Variants in SPRY3 observed in about 807,000 individuals in gnomAD.
SPRY3 encodes the protein sprouty RTK signaling antagonist 3.
SPRY3 carries 15 observed loss-of-function variants against 20.2 expected under a neutral mutation model. That is an observed-to-expected ratio of 0.74 (90% CI 0.50 to 1.14). The LOEUF (loss-of-function observed/expected upper bound fraction) is 1.14. Ranked by LOEUF, SPRY3 falls within the 50% of genes most tolerant of loss-of-function variation. The pLI is 0.00. For synonymous variants in SPRY3, 143 were observed against 136.5 expected (o/e 1.05, Z -0.33); for missense variants, 364 against 363.9 (o/e 1.00, Z 0.00).
At chrX:155,699,135 GACA>G (rs1159459427) in intron 2 of SPRY3, among the ~76,000 whole-genome samples, 1 of 111,935 alleles carries the variant, frequency 8.9e-6, no homozygotes, top group African/African-American at 3.2e-5. Context: ...TCTATTCACA[GACA>G]ACAACAGTGT....
chrX:155,674,164 G>A (rs1557355075), intron 2 of SPRY3, among the ~76,000 whole-genome samples: 2 of 110,960 alleles, frequency 1.8e-5, no homozygotes, highest in African/African-American at 6.5e-5. Context: ...TCACTGGGAC[G>A]TATAGCTAAG....
At chrX:155,652,687 T>C (rs2067980954) in intron 1 of SPRY3, among the ~76,000 whole-genome samples, 1 of 112,213 alleles carries the variant, frequency 8.9e-6, no homozygotes. Context: ...TCTATGAACA[T>C]TTGTGAGCAT....
chrX:155,719,862 C>T (rs188864216), intron 2 of SPRY3, among the ~76,000 whole-genome samples: 463 of 152,222 alleles, frequency 3.0e-3, no homozygotes, highest in Non-Finnish European at 1.7e-3. Flanking sequence ...AGACTCAAGA[C>T]ATTCCCGGCT....
At position 155,695,005 on chromosome X, in the gene SPRY3, T is replaced by C. The variant is rs997354772; in HGVS notation, c.-282+37980T>C. 6.3e-5 allele frequency among the ~76,000 whole-genome samples: 7 copies of C among 111,809 alleles called. No homozygotes were observed. In the East Asian group the frequency reaches 2.0e-3, roughly 31 times the overall value. ...CCCTTGCTTTATGTTATAGTTCTCA[T>C]ACATATTAAAACTATATGTATTAAC... On this transcript the variant is annotated intron_variant, in intron 2 of 3. Coordinates refer to ENST00000675360, the Ensembl canonical transcript of SPRY3.
chrX:155,711,015 C>T (rs2090982450), intron 2 of SPRY3, among the ~76,000 whole-genome samples: 1 of 151,772 alleles, frequency 6.6e-6, no homozygotes, highest in South Asian at 2.1e-4. Context: ...ATAAATCCCA[C>T]TTGGTCATGA....
At chrX:155,779,456 G>T (rs1015038885), downstream of SPRY3, 51 of 166,868 alleles carry the variant, frequency 3.1e-4, no homozygotes, top group Non-Finnish European at 6.6e-4. Flanking sequence ...TTATTCTCTA[G>T]CTTGCTTTAA....
At chrX:155,743,588 G>T (rs995325388) in intron 2 of SPRY3, among the ~76,000 whole-genome samples, 6 of 152,082 alleles carry the variant, frequency 3.9e-5, no homozygotes, top group Non-Finnish European at 7.4e-5. Context: ...CCTTAGAAAT[G>T]TAAAGACCTG....
downstream of SPRY3, chrX:155,777,211 G>A (rs2091432815): frequency 6.0e-6 from 1 of 166,966 alleles, no homozygotes; most frequent in African/African-American, 2.4e-5. Flanking sequence ...TGTGCTTAGA[G>A]CTCAGTTATC....
intron 3 of SPRY3, among the ~76,000 whole-genome samples, chrX:155,773,015 T>C (rs953464890): frequency 1.3e-5 from 2 of 152,004 alleles, no homozygotes; most frequent in Admixed American, 1.3e-4. Flanking sequence ...AAAGTTTGAT[T>C]CTGGAGCCTC....
chrX:155,725,680 T>A (rs2091092414), intron 2 of SPRY3, among the ~76,000 whole-genome samples: 1 of 152,190 alleles, frequency 6.6e-6, no homozygotes, highest in Non-Finnish European at 1.5e-5. Context: ...CTTTATCATT[T>A]TTTATTGCAT....
intron 2 of SPRY3, among the ~76,000 whole-genome samples, chrX:155,688,192 G>A (rs1477959567): frequency 9.1e-6 from 1 of 109,814 alleles, no homozygotes; most frequent in Non-Finnish European, 1.9e-5. Context: ...CACTCCATTC[G>A]TGTCCCCGAA....
intron 2 of SPRY3, among the ~76,000 whole-genome samples, chrX:155,697,295 C>T (rs2068121890): frequency 1.8e-5 from 2 of 110,552 alleles, no homozygotes; most frequent in Admixed American, 9.7e-5. Flanking sequence ...TTCCTGACTG[C>T]TTAAGCTCAG....
rs752902018 is a variant in SPRY3, at chrX:155,774,702, T to C, written c.831T>C (p.Ser277=). The change falls in exon 4 of 4, where the codon AGT becomes AGC. Residue 277 remains serine, a synonymous_variant. Coordinates refer to ENST00000675360, the Ensembl canonical transcript of SPRY3. ...TGTGCAGAAAGATCTCTTCTGGTAG[T>C]GCACCCTTCCCCAAGGCCCAGGAAA... is the stretch of plus-strand genomic sequence containing the variant. 5.6e-6 allele frequency: 9 copies of C among 1,613,692 alleles called. No homozygotes were observed. The South Asian group carries it at 8.8e-5, about 16-fold the overall frequency.
At chrX:155,671,586 A>T (rs2068040855) in intron 2 of SPRY3, among the ~76,000 whole-genome samples, 1 of 110,866 alleles carries the variant, frequency 9.0e-6, no homozygotes, top group African/African-American at 3.3e-5. Context: ...ATATGTATGT[A>T]TTTTTATATG....
At chrX:155,771,263 C>A (rs1333298783) in intron 3 of SPRY3, among the ~76,000 whole-genome samples, 1 of 152,118 alleles carries the variant, frequency 6.6e-6, no homozygotes, top group East Asian at 1.9e-4. Context: ...GAACATAATT[C>A]TCATTATTGT....
At chrX:155,666,073 T>C (rs957380944) in intron 2 of SPRY3, among the ~76,000 whole-genome samples, 2 of 110,726 alleles carry the variant, frequency 1.8e-5, no homozygotes, top group Non-Finnish European at 3.8e-5. Context: ...CATCTGAAGG[T>C]TGGTGGGGTA....
chrX:155,725,479 T>A (rs753425511), intron 2 of SPRY3, among the ~76,000 whole-genome samples: 5 of 152,298 alleles, frequency 3.3e-5, no homozygotes, highest in Admixed American at 2.6e-4. Flanking sequence ...GGCTATTAAT[T>A]ATTGCTTCAA....
chrX:155,640,309 T>C (rs1381244888), intron 1 of SPRY3, among the ~76,000 whole-genome samples: 2 of 112,405 alleles, frequency 1.8e-5, no homozygotes, highest in African/African-American at 6.5e-5. Flanking sequence ...AGAGAAAAAG[T>C]GTTATTAAGA....
intron 2 of SPRY3, among the ~76,000 whole-genome samples, chrX:155,709,354 T>C (rs1480446851): frequency 1.3e-5 from 2 of 151,596 alleles, no homozygotes; most frequent in Non-Finnish European, 3.0e-5. Flanking sequence ...CTTTTGGATA[T>C]AAGCCATTTT....
Sources: allele counts gnomAD v4.1 joint callset (sites outside exome capture counted in the v4.1 genomes callset), GRCh38; gene constraint gnomAD v4.1.1; transcripts MANE v1.5; gene names NCBI Gene and HGNC (gene_info 2026-07-23, HGNC 2026-07-21).